Variants in APBA1 observed in about 807,000 individuals in gnomAD.
The protein encoded by APBA1 is amyloid beta precursor protein binding family A member 1.
In APBA1, 55 loss-of-function variants were observed where a neutral mutation model predicts 86.6. The ratio of observed to expected loss-of-function variants is 0.64; its 90% CI spans 0.51 to 0.80. The LOEUF (loss-of-function observed/expected upper bound fraction) is 0.80, where lower values mean the gene tolerates loss of function less well. Among genes scored for constraint, APBA1 ranks in the 30% least tolerant of loss-of-function variants. The pLI, the probability that APBA1 is intolerant of heterozygous loss-of-function variation, is 0.00. For missense variants in APBA1, 1,090 were observed against 1,183.0 expected, an observed-to-expected ratio of 0.92 and a Z score of 1.15; for synonymous variants, 511 against 493.9, an observed-to-expected ratio of 1.03 and a Z score of -0.46.
Position 69,516,701 on chromosome 9 carries a change from G to GT in APBA1, c.509dup (p.Tyr170Ter). The stretch of plus-strand genomic sequence containing the variant: ...CACCGCGGTGGAAGAGCCGGTGCGT[G>GT]TAGACGTAGCCTGAGTAGGCCGCAT... Reference protein sequence around the residue: ...AMNAAYSGYVYTHRLFHRGED... With the variant: ...AMNAAYSGYV Residue 170 changes from tyrosine to a stop codon, truncating the protein, a stop_gained and frameshift_variant, in exon 2 of 13, where the codon TAC becomes TAAC. Transcript: ENST00000265381. LOFTEE classifies it high-confidence loss of function. This position sits in a 1 kb window ranked among gnomAD's most constrained non-coding sequence, Gnocchi z 7.3. 1.1e-5 allele frequency: 17 copies of GT among 1,611,172 alleles called. No individual in the cohort carries two copies. The highest frequency in any genetic ancestry group is 1.4e-5 in the Non-Finnish European group (17 of 1,179,182).
intron 1 of APBA1, among the ~76,000 whole-genome samples, chr9:69,597,577 A>G (rs1367075238): frequency 6.6e-6 from 1 of 152,176 alleles, no homozygotes; most frequent in Non-Finnish European, 1.5e-5. Flanking sequence ...TTAGACATGA[A>G]GTCCTTGCCC....
At chr9:69,439,963 T>G (rs1834782289) in intron 11 of APBA1, among the ~76,000 whole-genome samples, 1 of 152,214 alleles carries the variant, frequency 6.6e-6, no homozygotes, top group South Asian at 2.1e-4. Flanking sequence ...GGGTTTTTGG[T>G]TTGGATGTCC....
chr9:69,551,485 G>A (rs1397123658), intron 1 of APBA1, among the ~76,000 whole-genome samples: 5 of 151,838 alleles, frequency 3.3e-5, no homozygotes, highest in East Asian at 1.9e-4. Context: ...CCCGGGAGGC[G>A]GAGGTTGCAG....
chr9:69,516,699 G>C lies in APBA1; in HGVS notation c.512C>G (p.Thr171Arg), dbSNP rs754713543. The change falls in exon 2 of 13, where the codon ACG (threonine) becomes AGG (arginine). Residue 171 changes from threonine to arginine, a missense_variant. This residue lies in a region of APBA1 where 678 missense variants were observed against 647.1 expected (regional missense o/e 1.05). Transcript: ENST00000265381. This position sits in a 1 kb window ranked among gnomAD's most constrained non-coding sequence, Gnocchi z 7.3. ...CTCACCGCGGTGGAAGAGCCGGTGC[G>C]TGTAGACGTAGCCTGAGTAGGCCGC... ...MNAAYSGYVYTHRLFHRGEDE... is the reference protein window; with the variant it reads ...MNAAYSGYVYRHRLFHRGEDE... The C allele has an allele frequency of 1.2e-6, 2 of 1,611,008 alleles. No homozygotes were observed. The highest frequency in any genetic ancestry group is 1.7e-6 in the Non-Finnish European group (2 of 1,179,116).
intron 1 of APBA1, among the ~76,000 whole-genome samples, chr9:69,581,102 A>G (rs956829620): frequency 6.6e-6 from 1 of 152,054 alleles, no homozygotes; most frequent in Non-Finnish European, 1.5e-5. Flanking sequence ...ATCTCCAGAC[A>G]CCCTTTTCTG....
Position 69,516,539 on chromosome 9 carries a change from G to C in APBA1, c.672C>G (p.Ala224=), listed in dbSNP as rs750055149. The C allele has an allele frequency of 1.3e-6, 2 of 1,595,166 alleles. No individual in the cohort carries two copies. Among genetic ancestry groups the C allele is most frequent in the African/African-American group, 2.7e-5 (2 of 74,702 alleles). The stretch of plus-strand genomic sequence containing the variant: ...CGCCCAGGGCCTCCTGGCGGTACGC[G>C]GCCGCCTCGTCGCGCTCCTGCTCGT... ...RLYEQERDEA[A]AYRQEALGAR... is the part of the protein sequence containing the mutation. The change falls in exon 2 of 13, where the codon GCC becomes GCG. Residue 224 remains alanine, a synonymous_variant. Coordinates refer to ENST00000265381, the MANE Select transcript of APBA1 (RefSeq NM_001163.4). This position sits in a 1 kb window ranked among gnomAD's most constrained non-coding sequence, Gnocchi z 7.3.
intron 6 of APBA1, 81 bp from the exon 7 acceptor site, chr9:69,457,220 C>T (rs1436602286): frequency 9.6e-7 from 1 of 1,039,600 alleles, no homozygotes; most frequent in African/African-American, 1.6e-5. Context: ...TTAGCTCACA[C>T]AGAGGCACCA....
At chr9:69,482,343 A>T (rs1267698756) in intron 2 of APBA1, among the ~76,000 whole-genome samples, 1 of 152,040 alleles carries the variant, frequency 6.6e-6, no homozygotes, top group Admixed American at 6.5e-5. Flanking sequence ...AAAAGAAGAC[A>T]TTTATGCAGC....
Position 69,636,824 on chromosome 9 carries a change from AGAGAGAGG to A in APBA1, c.-70+35321_-70+35328del, listed in dbSNP as rs1430471587. On this transcript the variant is annotated intron_variant, in intron 1 of 12. Transcript: ENST00000265381. Reference sequence around the variant, plus strand: ...AAAGAAGAGAGAGAGAGAGAGAGAGAGAGAGAGGGAGGGAGGGAGGGAGGGAGGGAGGG... The same window carrying A: ...AAAGAAGAGAGAGAGAGAGAGAGAGAGAGGGAGGGAGGGAGGGAGGGAGGG... Among the ~76,000 whole-genome samples the A allele has an allele frequency of 3.0e-3, 122 of 40,668 alleles. 6 individuals carry two copies. The highest frequency in any genetic ancestry group is 0.01 in the African/African-American group (112 of 11,166). 26.7% of individuals were successfully genotyped at this position (40,668 alleles called of 152,430 possible). A position where few individuals can be genotyped will look rare whatever the true frequency, so the allele number is the denominator to read the frequency against.
At chr9:69,534,394 G>C (rs969520478) in intron 1 of APBA1, among the ~76,000 whole-genome samples, 1 of 152,050 alleles carries the variant, frequency 6.6e-6, no homozygotes, top group Admixed American at 6.5e-5. Flanking sequence ...TTCTGAGCTG[G>C]GTCATCTAAC....
intron 1 of APBA1, among the ~76,000 whole-genome samples, chr9:69,671,785 A>G (rs1027704089): frequency 1.3e-5 from 2 of 152,018 alleles, no homozygotes; most frequent in African/African-American, 4.8e-5. Context: ...GGATTCCTGG[A>G]AATGTCACCC....
intron 1 of APBA1, among the ~76,000 whole-genome samples, chr9:69,671,662 C>T (rs920956140): frequency 1.3e-5 from 2 of 152,150 alleles, no homozygotes; most frequent in Non-Finnish European, 2.9e-5. Context: ...GGCCCCTATC[C>T]CACTGCCTCC....
chr9:69,441,155 G>A (rs1447317146), intron 10 of APBA1, 40 bp from the exon 11 acceptor site: 3 of 1,587,842 alleles, frequency 1.9e-6, no homozygotes, highest in Admixed American at 3.5e-5. Flanking sequence ...GGTGACCACT[G>A]AGGCAGACAG....
intron 2 of APBA1, among the ~76,000 whole-genome samples, chr9:69,487,533 G>T (rs530276163): frequency 1.3e-5 from 2 of 152,240 alleles, no homozygotes; most frequent in South Asian, 4.1e-4. Flanking sequence ...CACTGCAGCA[G>T]TGTTGAGAGG....
rs75160144 is a variant in APBA1 at position 69,455,015 on chromosome 9, G to T, written c.1788+1232C>A. Among the ~76,000 whole-genome samples, 735 of 152,304 alleles carry T rather than the reference G, an allele frequency of 4.8e-3. 3 individuals are homozygous for T. Among genetic ancestry groups the T allele is most frequent in the African/African-American group, 0.017 (699 of 41,560 alleles). On this transcript the variant is annotated intron_variant, in intron 8 of 12. Coordinates refer to ENST00000265381, the MANE Select transcript of APBA1 (RefSeq NM_001163.4). ...ACAAGACCAATAAAAGATGGTGACAGTAAGTGTTGGCATCTCCTCCTCTCT... is the reference window on the plus strand; with the variant it reads ...ACAAGACCAATAAAAGATGGTGACATTAAGTGTTGGCATCTCCTCCTCTCT...
chr9:69,653,755 A>C (rs1823553529), intron 1 of APBA1, among the ~76,000 whole-genome samples: 1 of 152,232 alleles, frequency 6.6e-6, no homozygotes, highest in Admixed American at 6.5e-5. Flanking sequence ...TCCTTGAGAC[A>C]AATGAAAATG....
intron 1 of APBA1, among the ~76,000 whole-genome samples, chr9:69,543,053 C>T (rs1360019398): frequency 6.6e-6 from 1 of 152,246 alleles, no homozygotes; most frequent in Non-Finnish European, 1.5e-5. Context: ...CTGCAAACTC[C>T]ATTTACTGTG....
At position 69,428,931 on chromosome 9, in the gene APBA1, C is replaced by T. The variant is rs1834539256; in HGVS notation, c.*2396G>A. The stretch of plus-strand genomic sequence containing the variant: ...TCACTCTAATGTTACAATGTCAGTC[C>T]TCTAGGAGAGCTTGCAGAATTGGCT... On this transcript the variant is annotated 3_prime_UTR_variant, in exon 13 of 13. Transcript: ENST00000265381. 6.6e-6 allele frequency: 1 copy of T among 152,236 alleles called. No homozygotes were observed. Among genetic ancestry groups the T allele is most frequent in the African/African-American group, 2.4e-5 (1 of 41,456 alleles). The allele number at this position is 152,236 out of a possible 1,614,324, so 9.4% of individuals were successfully genotyped here.
intron 11 of APBA1, among the ~76,000 whole-genome samples, chr9:69,437,223 T>C (rs577391115): frequency 2.0e-5 from 3 of 151,848 alleles, no homozygotes; most frequent in African/African-American, 2.4e-5. Context: ...ATCAACGATA[T>C]TGGTCTAAAA....
Sources: allele counts gnomAD v4.1 joint callset (sites outside exome capture counted in the v4.1 genomes callset), GRCh38; gene constraint gnomAD v4.1.1; regional missense constraint gnomAD v4.1.1; non-coding constraint Gnocchi (gnomAD v3.1); transcripts MANE v1.5; gene names NCBI Gene and HGNC (gene_info 2026-07-23, HGNC 2026-07-21).